The following GAREM1 variants were observed in gnomAD, a reference collection of about 807,000 sequenced individuals.
GAREM1 encodes GRB2 associated regulator of MAPK1 subtype 1.
A neutral mutation model predicts 71.3 loss-of-function variants in GAREM1; 26 were observed. The ratio of observed to expected loss-of-function variants is 0.36; its 90% CI spans 0.27 to 0.51. The LOEUF (loss-of-function observed/expected upper bound fraction) is 0.51. Among genes scored for constraint, GAREM1 ranks in the 20% least tolerant of loss-of-function variants. The pLI, the probability that GAREM1 is intolerant of heterozygous loss-of-function variation, is 0.95. For missense variants in GAREM1, 1,026 were observed against 1,103.1 expected, an observed-to-expected ratio of 0.93 and a Z score of 0.99; for synonymous variants, 440 against 433.2, an observed-to-expected ratio of 1.02 and a Z score of -0.20.
chr18:32,311,725 G>A lies in GAREM1; in HGVS notation c.263-1402C>T, dbSNP rs537329780. 5.1e-3 allele frequency among the ~76,000 whole-genome samples: 776 copies of A among 152,372 alleles called. 3 individuals carry two copies. The highest frequency in any genetic ancestry group is 7.2e-3 in the Non-Finnish European group (487 of 68,040). On this transcript the variant is annotated intron_variant, in intron 2 of 5. Transcript: ENST00000269209. ...CTGGCATGCTGCCACTATGGCTGGA[G>A]TGGGATAAGGGAAGAGGGGAAAGAA...
At chr18:32,392,202 A>AGT (rs1303445195) in intron 2 of GAREM1, among the ~76,000 whole-genome samples, 15 of 146,582 alleles carry the variant, frequency 1.0e-4, no homozygotes, top group South Asian at 6.5e-4. Flanking sequence ...TGGTAACATA[A>AGT]GTTTTTTTTT....
At chr18:32,407,504 T>A (rs961953268) in intron 1 of GAREM1, among the ~76,000 whole-genome samples, 2 of 152,178 alleles carry the variant, frequency 1.3e-5, no homozygotes, top group Non-Finnish European at 2.9e-5. Flanking sequence ...TCATGTCATC[T>A]CTGAAAAGAC....
At position 32,408,515 on chromosome 18, in the gene GAREM1, T is replaced by C. The variant is rs574509272; in HGVS notation, c.122-15480A>G. On this transcript the variant is annotated intron_variant, in intron 1 of 5. Coordinates refer to ENST00000269209, the MANE Select transcript of GAREM1 (RefSeq NM_001242409.2). ...CAGATGAAACATCTGTCCTAGAATT[T>C]ACCATCAGCAGGAGAACCTAATGTC... Among the ~76,000 whole-genome samples, 7 of 152,288 alleles carry C rather than the reference T, an allele frequency of 4.6e-5. No homozygotes were observed. In the East Asian group the frequency reaches 9.7e-4, roughly 21 times the overall value.
intron 3 of GAREM1, among the ~76,000 whole-genome samples, chr18:32,293,969 T>G (rs982623336): frequency 4.6e-5 from 7 of 152,148 alleles, no homozygotes; most frequent in Admixed American, 4.6e-4. Context: ...TAACAAAATT[T>G]CCATGCCAGA....
At chr18:32,451,497 C>T (rs1207431053) in intron 1 of GAREM1, among the ~76,000 whole-genome samples, 1 of 152,140 alleles carries the variant, frequency 6.6e-6, no homozygotes, top group African/African-American at 2.4e-5. Context: ...AAGTCAGTAA[C>T]CTCAGGACTA....
At chr18:32,284,330 T>C (rs1340251396) in intron 4 of GAREM1, among the ~76,000 whole-genome samples, 3 of 152,256 alleles carry the variant, frequency 2.0e-5, no homozygotes, top group South Asian at 2.1e-4. Flanking sequence ...GATTCTCTTA[T>C]GTCATAAGAA....
At chr18:32,436,296 A>G (rs2144266008) in intron 1 of GAREM1, among the ~76,000 whole-genome samples, 1 of 152,332 alleles carries the variant, frequency 6.6e-6, no homozygotes, top group East Asian at 1.9e-4. Flanking sequence ...AGTAAGTTAA[A>G]GGGAAACAGG....
intron 2 of GAREM1, among the ~76,000 whole-genome samples, chr18:32,370,390 T>G (rs1005434436): frequency 7.2e-6 from 1 of 139,430 alleles, no homozygotes; most frequent in East Asian, 2.1e-4. Flanking sequence ...ATCACCGCAC[T>G]CCAGCCTGGC....
At chr18:32,410,712 G>A (rs909945473) in intron 1 of GAREM1, among the ~76,000 whole-genome samples, 2 of 152,130 alleles carry the variant, frequency 1.3e-5, no homozygotes, top group Admixed American at 1.3e-4. Context: ...AATTACATAA[G>A]GAAGTTGAGA....
intron 2 of GAREM1, among the ~76,000 whole-genome samples, chr18:32,339,256 G>A (rs751766337): frequency 6.6e-6 from 1 of 152,044 alleles, no homozygotes; most frequent in East Asian, 1.9e-4. Flanking sequence ...ATTGACCTTT[G>A]CTTCCACTTC....
At chr18:32,374,264 C>T (rs1458861) in intron 2 of GAREM1, among the ~76,000 whole-genome samples, 22,073 of 152,202 alleles carry the variant, frequency 0.15, 2,472 homozygotes, top group African/African-American at 0.31. Context: ...TTCTACATTG[C>T]GTTCAGTCAT....
At chr18:32,462,967 T>C (rs148387826) in intron 1 of GAREM1, among the ~76,000 whole-genome samples, 1 of 152,126 alleles carries the variant, frequency 6.6e-6, no homozygotes, top group Non-Finnish European at 1.5e-5. Flanking sequence ...TTGGGTACAA[T>C]GTTACAATTA....
At chr18:32,400,516 T>C (rs142423275) in intron 1 of GAREM1, among the ~76,000 whole-genome samples, 3,641 of 152,134 alleles carry the variant, frequency 0.024, 77 homozygotes, top group Non-Finnish European at 0.036. Context: ...GGGTGAAGGA[T>C]ATGAACAGAC....
intron 1 of GAREM1, among the ~76,000 whole-genome samples, chr18:32,401,040 C>T (rs1405900149): frequency 6.6e-6 from 1 of 152,066 alleles, no homozygotes; most frequent in South Asian, 2.1e-4. Context: ...ATGGATGAAG[C>T]TGGAAATCAT....
At chr18:32,359,964 AT>A (rs1277022358) in intron 2 of GAREM1, among the ~76,000 whole-genome samples, 1 of 151,328 alleles carries the variant, frequency 6.6e-6, no homozygotes, top group Non-Finnish European at 1.5e-5. Context: ...AAAAAATTGA[AT>A]AAATAAAAAG....
At chr18:32,290,642 G>GAAAAAAAAAAAAA (rs586596) in intron 3 of GAREM1, among the ~76,000 whole-genome samples, 1 of 75,600 alleles carries the variant, frequency 1.3e-5, no homozygotes, top group African/African-American at 4.2e-5. Context: ...CAGACTGTCT[G>GAAAAAAAAAAAAA]AAAAAAAAAA....
At chr18:32,435,160 A>T (rs903994111) in intron 1 of GAREM1, among the ~76,000 whole-genome samples, 1 of 152,168 alleles carries the variant, frequency 6.6e-6, no homozygotes, top group Non-Finnish European at 1.5e-5. Context: ...AGATCAATAA[A>T]GACAAGGAGA....
intron 4 of GAREM1, among the ~76,000 whole-genome samples, chr18:32,275,927 G>A (rs765061596): frequency 6.6e-6 from 1 of 152,122 alleles, no homozygotes; most frequent in African/African-American, 2.4e-5. Context: ...CGCCCGCCTC[G>A]GCCTCCCAAA....
At position 32,270,250 on chromosome 18, in the gene GAREM1, G is replaced by T. The variant is rs769532814; in HGVS notation, c.1700C>A (p.Thr567Asn). 1.9e-6 allele frequency: 3 copies of T among 1,613,958 alleles called. No homozygotes were observed. In the African/African-American group the frequency reaches 4.0e-5, roughly 22 times the overall value. Residue 567 changes from threonine (T) to asparagine (N), a missense_variant, in exon 5 of 6, where the codon ACC becomes AAC. Physicochemically the swap from Thr to Asn is moderately conservative, Grantham distance 65 (BLOSUM62 0). This residue lies in a region of GAREM1 where 636 missense variants were observed against 631.2 expected (regional missense o/e 1.01). Coordinates refer to ENST00000269209, the MANE Select transcript of GAREM1 (RefSeq NM_001242409.2). ...ARQQTRSPSP[T>N]LSYYSSGLHN... ...TAGCCCTGAAGAATAGTAGGACAAG[G>T]TGGGGCTGGGAGAGCGAGTCTGTTG...
Sources: allele counts gnomAD v4.1 joint callset (sites outside exome capture counted in the v4.1 genomes callset), GRCh38; gene constraint gnomAD v4.1.1; regional missense constraint gnomAD v4.1.1; transcripts MANE v1.5; gene names NCBI Gene and HGNC (gene_info 2026-07-23, HGNC 2026-07-21).